The following GFOD2 variants were observed in gnomAD, a reference collection of about 807,000 sequenced individuals.
The protein encoded by GFOD2 is Gfo/Idh/MocA-like oxidoreductase domain containing 2, also known as glucose-fructose oxidoreductase domain-containing protein 2.
Under a neutral mutation model 24.6 loss-of-function variants are expected in GFOD2, and 9 were observed. That is an observed-to-expected ratio of 0.37 (90% confidence interval 0.22 to 0.64). The LOEUF (loss-of-function observed/expected upper bound fraction) is 0.64. Among genes scored for constraint, GFOD2 ranks in the 30% least tolerant of loss-of-function variants. The pLI is 0.65. For synonymous variants in GFOD2, 211 were observed against 224.8 expected (o/e 0.94, Z 0.55); for missense variants, 476 against 532.5 (o/e 0.89, Z 1.04).
intron 1 of GFOD2, among the ~76,000 whole-genome samples, chr16:67,710,939 G>GA (rs1038749631): frequency 1.3e-5 from 2 of 151,974 alleles, no homozygotes; most frequent in African/African-American, 4.8e-5. Flanking sequence ...TCATCACCAT[G>GA]AAAAAAACCC....
chr16:67,697,797 T>C (rs1414516368), intron 1 of GFOD2, among the ~76,000 whole-genome samples: 2 of 152,194 alleles, frequency 1.3e-5, no homozygotes, highest in East Asian at 1.9e-4. Context: ...AATACTAATC[T>C]GGTCAATGTC....
intron 1 of GFOD2, among the ~76,000 whole-genome samples, chr16:67,690,398 ATT>A (rs1299554106): frequency 3.1e-4 from 42 of 137,066 alleles, no homozygotes; most frequent in Non-Finnish European, 3.2e-4. Context: ...ATTATTCACT[ATT>A]TTTTTTTTTT....
At chr16:67,707,449 AGT>A (rs1214302957) in intron 1 of GFOD2, among the ~76,000 whole-genome samples, 1 of 152,186 alleles carries the variant, frequency 6.6e-6, no homozygotes, top group Non-Finnish European at 1.5e-5. Context: ...AATGTAAAAC[AGT>A]ACAACCACTT....
intron 2 of GFOD2, chr16:67,684,766 T>C (rs1159213808): frequency 1.0e-6 from 1 of 983,412 alleles, no homozygotes; most frequent in African/African-American, 1.7e-5. Flanking sequence ...TTCTGATTTA[T>C]ATTAGATAAA....
chr16:67,713,394 C>A (rs534358570), intron 1 of GFOD2, among the ~76,000 whole-genome samples: 1 of 152,144 alleles, frequency 6.6e-6, no homozygotes, highest in Non-Finnish European at 1.5e-5. Context: ...TCCTTCAATT[C>A]AATTCTGACG....
At chr16:67,716,364 C>T (rs1597807354) in intron 1 of GFOD2, among the ~76,000 whole-genome samples, 1 of 152,294 alleles carries the variant, frequency 6.6e-6, no homozygotes, top group East Asian at 1.9e-4. Flanking sequence ...AATTATTTGT[C>T]AAAGGTTTCA....
At chr16:67,700,528 A>G (rs2053394463) in intron 1 of GFOD2, among the ~76,000 whole-genome samples, 1 of 152,152 alleles carries the variant, frequency 6.6e-6, no homozygotes, top group African/African-American at 2.4e-5. Flanking sequence ...CCTGGCCAAC[A>G]TGGTGAAACC....
chr16:67,674,954 G>C lies in GFOD2; in HGVS notation c.*201C>G, dbSNP rs566848470. The C allele has an allele frequency of 3.2e-6, 2 of 617,680 alleles. No individual in the cohort carries two copies. The highest frequency in any genetic ancestry group is 3.7e-5 in the African/African-American group (2 of 54,304). 38.3% of individuals were successfully genotyped at this position (617,680 alleles called of 1,614,324 possible). A position where few individuals can be genotyped will look rare whatever the true frequency, so the allele number is the denominator to read the frequency against. ...GCCCTGTGCACACCGTGGTAACCTG[G>C]CAACAGGAACATTTGCCACCCTGCA... On this transcript the variant is annotated 3_prime_UTR_variant, in exon 3 of 3. Coordinates refer to ENST00000268797, the MANE Select transcript of GFOD2 (RefSeq NM_030819.4).
intron 1 of GFOD2, among the ~76,000 whole-genome samples, chr16:67,689,318 C>A (rs1232585864): frequency 2.0e-5 from 3 of 150,000 alleles, no homozygotes; most frequent in Non-Finnish European, 3.0e-5. Flanking sequence ...GGATTACAGG[C>A]GTGAGCCACC....
At chr16:67,687,722 C>T (rs1037226117) in intron 1 of GFOD2, among the ~76,000 whole-genome samples, 2 of 148,414 alleles carry the variant, frequency 1.3e-5, no homozygotes, top group African/African-American at 5.0e-5. Context: ...GCAATCTCAG[C>T]AATTTGGGGG....
At chr16:67,690,771 A>C (rs2053306651) in intron 1 of GFOD2, among the ~76,000 whole-genome samples, 1 of 152,198 alleles carries the variant, frequency 6.6e-6, no homozygotes, top group Admixed American at 6.5e-5. Context: ...AAAATCTCTA[A>C]CACAACTATT....
intron 2 of GFOD2, chr16:67,683,543 G>T (rs2053243551): frequency 8.1e-7 from 1 of 1,231,644 alleles, no homozygotes; most frequent in African/African-American, 1.6e-5. Flanking sequence ...GGTGACCAAT[G>T]AATGAATAAC....
At position 67,675,181 on chromosome 16, in the gene GFOD2, C is replaced by T; in HGVS notation, c.1132G>A (p.Glu378Lys). 6.2e-7 allele frequency: 1 copy of T among 1,613,708 alleles called. No individual in the cohort carries two copies. Among genetic ancestry groups the T allele is most frequent in the Non-Finnish European group, 8.5e-7 (1 of 1,179,826 alleles). The change falls in exon 3 of 3, where the codon GAG (glutamate) becomes AAG (lysine). Residue 378 changes from glutamate (E) to lysine (K), a missense_variant. Coordinates refer to ENST00000268797, the MANE Select transcript of GFOD2 (RefSeq NM_030819.4). Reference sequence around the variant, plus strand: ...CATAGGTTGTTCCGCTGAAGTGCCTCACACAGGTTCTGGTTGGTGTCGGGC... The same window carrying T: ...CATAGGTTGTTCCGCTGAAGTGCCTTACACAGGTTCTGGTTGGTGTCGGGC... ...EEPDTNQNLCEALQRNNL is the reference protein window; with the variant it reads ...EEPDTNQNLCKALQRNNL
chr16:67,683,913 T>C (rs1276590426), intron 2 of GFOD2: 9 of 1,109,166 alleles, frequency 8.1e-6, no homozygotes, highest in East Asian at 5.1e-5. Flanking sequence ...TATGTGCTAG[T>C]TGAATTGTGA....
Position 67,710,495 on chromosome 16 carries a change from G to C in GFOD2, c.-88+8668C>G, listed in dbSNP as rs570023478. ...TTCTCCTGCCTCAGCCTCCCGAGTA[G>C]CTGGACTACAGGCGCCTGCTACCAT... On this transcript the variant is annotated intron_variant, in intron 1 of 2. Coordinates refer to ENST00000268797, the MANE Select transcript of GFOD2 (RefSeq NM_030819.4). 2.2e-4 allele frequency among the ~76,000 whole-genome samples: 34 copies of C among 152,234 alleles called. No homozygotes were observed. In the South Asian group the frequency reaches 7.1e-3, roughly 32 times the overall value.
At chr16:67,681,998 A>G (rs2053228943) in intron 2 of GFOD2, 1 of 383,492 alleles carries the variant, frequency 2.6e-6, no homozygotes. Context: ...TGAACAACAC[A>G]GCAAGATCCT....
At chr16:67,686,962 C>T (rs545157542) in intron 1 of GFOD2, among the ~76,000 whole-genome samples, 9 of 151,706 alleles carry the variant, frequency 5.9e-5, no homozygotes, top group South Asian at 2.1e-4. Flanking sequence ...GCCTGGCCAA[C>T]GTGGTGAAAC....
intron 2 of GFOD2, chr16:67,685,029 G>A (rs756178954): frequency 6.4e-6 from 7 of 1,090,554 alleles, no homozygotes; most frequent in Non-Finnish European, 7.8e-6. Flanking sequence ...ATAGTCAAAC[G>A]CTGACAAAAC....
At chr16:67,696,014 CTTTTT>C (rs768998994) in intron 1 of GFOD2, among the ~76,000 whole-genome samples, 1 of 142,708 alleles carries the variant, frequency 7.0e-6, no homozygotes, top group Non-Finnish European at 1.5e-5. Flanking sequence ...ATAGGGAACC[CTTTTT>C]TTTTTTTTGA....
Sources: allele counts gnomAD v4.1 joint callset (sites outside exome capture counted in the v4.1 genomes callset), GRCh38; gene constraint gnomAD v4.1.1; transcripts MANE v1.5; gene names NCBI Gene and HGNC (gene_info 2026-07-23, HGNC 2026-07-21).